Variants in SLC6A11 observed in about 807,000 individuals in gnomAD.
SLC6A11 encodes the protein solute carrier family 6 member 11, also known as sodium- and chloride-dependent GABA transporter 3.
In SLC6A11, 25 loss-of-function variants were observed where a neutral mutation model predicts 74.8. The ratio of observed to expected loss-of-function variants is 0.33; its 90% CI spans 0.24 to 0.47. The LOEUF is 0.47. Among genes scored for constraint, SLC6A11 ranks in the 20% least tolerant of loss-of-function variants. SLC6A11 has a pLI of 1.00. For missense variants in SLC6A11, 574 were observed against 837.0 expected (o/e 0.69, Z 3.88); for synonymous variants, 330 against 330.2 (o/e 1.00, Z 0.01).
chr3:10,918,425 G>T lies in SLC6A11; in HGVS notation c.1092G>T (p.Gly364=). 6.2e-7 allele frequency: 1 copy of T among 1,605,004 alleles called. No homozygotes were observed. The highest frequency in any genetic ancestry group is 8.5e-7 in the Non-Finnish European group (1 of 1,176,934). ...TGGGTTTTATGGCGTACGAGCAGGG[G>T]GTACCCATTGCTGAGGTGGCAGAGT... is the stretch of plus-strand genomic sequence containing the variant. ...SVLGFMAYEQ[G]VPIAEVAESG... is the part of the protein sequence containing the mutation. Residue 364 remains glycine (G), a synonymous_variant, in exon 8 of 14, where the codon GGG becomes GGT. Coordinates refer to ENST00000254488, the MANE Select transcript of SLC6A11 (RefSeq NM_014229.3). This position sits in a 1 kb window ranked among gnomAD's most constrained non-coding sequence, Gnocchi z 4.5.
Position 10,938,702 on chromosome 3 carries a change from G to A in SLC6A11, c.*300G>A, listed in dbSNP as rs904100314. 1.1e-4 allele frequency: 25 copies of A among 224,302 alleles called. No homozygotes were observed. The highest frequency in any genetic ancestry group is 1.7e-5 in the Non-Finnish European group (2 of 115,774). The allele number at this position is 224,302 out of a possible 1,614,324, so 13.9% of individuals were successfully genotyped here. A position where few individuals can be genotyped will look rare whatever the true frequency, so the allele number is the denominator to read the frequency against. ...GGATTAGGAAGAAGTGTATAATATT[G>A]TAAAACTTTTTTTACTGGGGTTGTG... is the stretch of plus-strand genomic sequence containing the variant. On this transcript the variant is annotated 3_prime_UTR_variant, in exon 14 of 14. Transcript: ENST00000254488.
intron 5 of SLC6A11, among the ~76,000 whole-genome samples, chr3:10,869,674 C>A (rs1694806388): frequency 6.6e-6 from 1 of 152,262 alleles, no homozygotes; most frequent in Admixed American, 6.5e-5. Flanking sequence ...AGGACTGGAC[C>A]AGCGTTATCC....
intron 4 of SLC6A11, among the ~76,000 whole-genome samples, chr3:10,838,536 G>T (rs1371804489): frequency 6.6e-6 from 1 of 152,178 alleles, no homozygotes; most frequent in African/African-American, 2.4e-5. Context: ...ATCACTTGAG[G>T]TCAGGAGTTC....
intron 8 of SLC6A11, among the ~76,000 whole-genome samples, chr3:10,922,294 T>G (rs1289730252): frequency 6.6e-6 from 1 of 152,088 alleles, no homozygotes; most frequent in African/African-American, 2.4e-5. Flanking sequence ...TTAATAGATC[T>G]AACAAAAAAA....
At position 10,940,673 on chromosome 3, in the gene SLC6A11, G is replaced by A. The variant is rs969587594; in HGVS notation, c.*2271G>A. 5 of 152,202 alleles carry A rather than the reference G, an allele frequency of 3.3e-5. No individual in the cohort carries two copies. Among genetic ancestry groups the A allele is most frequent in the Non-Finnish European group, 7.3e-5 (5 of 68,040 alleles). The allele number at this position is 152,202 out of a possible 1,614,324, so 9.4% of individuals were successfully genotyped here. On this transcript the variant is annotated 3_prime_UTR_variant, in exon 14 of 14. Transcript: ENST00000254488. ...TTGGGCATTCAAAGGGTGCAAGATT[G>A]TCTGCTTACTCATTTTTAAAAATTA...
intron 4 of SLC6A11, among the ~76,000 whole-genome samples, chr3:10,839,048 C>A (rs895619244): frequency 6.6e-6 from 1 of 152,114 alleles, no homozygotes; most frequent in Non-Finnish European, 1.5e-5. Context: ...GCCTGGATGG[C>A]CTAACACCTC....
chr3:10,921,647 T>C (rs1695538644), intron 8 of SLC6A11, among the ~76,000 whole-genome samples: 1 of 152,104 alleles, frequency 6.6e-6, no homozygotes, highest in African/African-American at 2.4e-5. Flanking sequence ...TATTCTTATA[T>C]TAAATTTAAA....
In SLC6A11 at chr3:10,938,347, A is replaced by G; in HGVS notation, c.1844A>G (p.Lys615Arg). 6.2e-7 allele frequency: 1 copy of G among 1,612,754 alleles called. No individual in the cohort carries two copies. The highest frequency in any genetic ancestry group is 8.5e-7 in the Non-Finnish European group (1 of 1,178,998). ...GTGACAGTTAATGACTGTGATGCCA[A>G]ACTCAAGAGTGACGGGACCATCGCA... Reference protein sequence around the residue: ...RMVTVNDCDAKLKSDGTIAAI... With the variant: ...RMVTVNDCDARLKSDGTIAAI... The change falls in exon 14 of 14, where the codon AAA becomes AGA. Residue 615 changes from lysine to arginine, a missense_variant. Physicochemically the swap from Lys to Arg is conservative, Grantham distance 26. Around this residue, in one of 4 missense-constraint regions of SLC6A11, gnomAD observed 257 missense variants for 341.5 expected, o/e 0.75. Coordinates refer to ENST00000254488, the MANE Select transcript of SLC6A11 (RefSeq NM_014229.3).
intron 6 of SLC6A11, among the ~76,000 whole-genome samples, chr3:10,909,023 T>C (rs1406208190): frequency 6.6e-6 from 1 of 151,702 alleles, no homozygotes; most frequent in East Asian, 1.9e-4. Context: ...AGACTCTGCT[T>C]TCCTGTGTGT....
intron 6 of SLC6A11, among the ~76,000 whole-genome samples, chr3:10,907,915 A>G (rs1419282282): frequency 6.6e-6 from 1 of 152,252 alleles, no homozygotes; most frequent in East Asian, 1.9e-4. Flanking sequence ...AGGTATTAAC[A>G]TAAGGGCTGG....
chr3:10,926,135 G>A lies in SLC6A11; in HGVS notation c.1233+19G>A, dbSNP rs1236812537. ...CAGCCAGGTAAGGGGCCATGGGGAT[G>A]GGGAGCCCAGGAGGGAGGGGAGCCT... is the stretch of plus-strand genomic sequence containing the variant. On this transcript the variant is annotated intron_variant, in intron 9 of 13. Transcript: ENST00000254488. The surrounding 1 kb of genome is among the most constrained non-coding windows in gnomAD (Gnocchi z 5.7). 3 of 1,540,488 alleles carry A rather than the reference G, an allele frequency of 1.9e-6. No homozygotes were observed. The highest frequency in any genetic ancestry group is 2.7e-6 in the Non-Finnish European group (3 of 1,115,906).
At chr3:10,925,414 A>G (rs986355020) in intron 8 of SLC6A11, among the ~76,000 whole-genome samples, 5 of 152,242 alleles carry the variant, frequency 3.3e-5, no homozygotes, top group African/African-American at 9.6e-5. Context: ...ACTGTGCCAC[A>G]GGGCTAGCCT....
intron 5 of SLC6A11, among the ~76,000 whole-genome samples, chr3:10,872,468 C>G (rs1011010957): frequency 6.6e-6 from 1 of 152,120 alleles, no homozygotes; most frequent in East Asian, 1.9e-4. Flanking sequence ...TTGGAGAAGC[C>G]CTTCTGGACT....
chr3:10,863,938 G>A (rs1694734451), intron 5 of SLC6A11, among the ~76,000 whole-genome samples: 1 of 152,082 alleles, frequency 6.6e-6, no homozygotes, highest in African/African-American at 2.4e-5. Context: ...GGAATCATAG[G>A]TCAAATGCAC....
At chr3:10,888,898 C>G (rs1366168272) in intron 6 of SLC6A11, among the ~76,000 whole-genome samples, 2 of 152,160 alleles carry the variant, frequency 1.3e-5, no homozygotes, top group African/African-American at 4.8e-5. Flanking sequence ...TTAAATTAAT[C>G]AGGAGAAATT....
In SLC6A11 at chr3:10,940,133, G is replaced by A. The variant is rs1233121717; in HGVS notation, c.*1731G>A. On this transcript the variant is annotated 3_prime_UTR_variant, in exon 14 of 14. Transcript: ENST00000254488. ...CCCAGTGCCCCACTGGGCAGGACGG[G>A]AAGCCTAGCCTGGGCCCCCTCTGTG... 2.6e-5 allele frequency: 4 copies of A among 152,328 alleles called. No homozygotes were observed. Among genetic ancestry groups the A allele is most frequent in the Non-Finnish European group, 5.9e-5 (4 of 68,122 alleles). The allele number at this position is 152,328 out of a possible 1,614,324, so 9.4% of individuals were successfully genotyped here.
At chr3:10,842,301 G>A (rs1258631954) in intron 4 of SLC6A11, among the ~76,000 whole-genome samples, 1 of 152,178 alleles carries the variant, frequency 6.6e-6, no homozygotes, top group African/African-American at 2.4e-5. Flanking sequence ...CTTCTGTGGT[G>A]CTCAAGCCTT....
chr3:10,925,272 T>C (rs1695588305), intron 8 of SLC6A11, among the ~76,000 whole-genome samples: 1 of 152,228 alleles, frequency 6.6e-6, no homozygotes, highest in Non-Finnish European at 1.5e-5. Context: ...TTCAGTGCTT[T>C]CCATTTATTG....
chr3:10,881,428 G>C (rs998714114), intron 6 of SLC6A11, among the ~76,000 whole-genome samples: 1 of 152,120 alleles, frequency 6.6e-6, no homozygotes, highest in Non-Finnish European at 1.5e-5. Context: ...AAATAAATAA[G>C]TAAGTAAAGT....
Sources: allele counts gnomAD v4.1 joint callset (sites outside exome capture counted in the v4.1 genomes callset), GRCh38; gene constraint gnomAD v4.1.1; regional missense constraint gnomAD v4.1.1; non-coding constraint Gnocchi (gnomAD v3.1); transcripts MANE v1.5; gene names NCBI Gene and HGNC (gene_info 2026-07-23, HGNC 2026-07-21).